MAGI2: variants seen among roughly 807,000 people sequenced by gnomAD.
MAGI2 encodes membrane-associated guanylate kinase, WW and PDZ domain-containing protein 2.
Under a neutral mutation model 133.3 loss-of-function variants are expected in MAGI2, and 35 were observed. That is an observed-to-expected ratio of 0.26 (90% CI 0.20 to 0.35). The LOEUF (loss-of-function observed/expected upper bound fraction) is 0.35. Among genes scored for constraint, MAGI2 ranks in the 10% least tolerant of loss-of-function variants. The probability of loss-of-function intolerance (pLI) is 1.00; values close to 1 mark genes in which losing one functional copy is unlikely to be tolerated. For synonymous variants in MAGI2, 729 were observed against 710.6 expected (o/e 1.03, Z -0.41); for missense variants, 1,636 against 1,863.4 (o/e 0.88, Z 2.25).
intron 1 of MAGI2, chr7:79,177,116 G>C (rs1172782249): frequency 1.3e-5 from 2 of 151,926 alleles, no homozygotes; most frequent in Non-Finnish European, 2.9e-5. Flanking sequence ...CACTTTCTCA[G>C]TTATGGTAAT....
intron 1 of MAGI2, among the ~76,000 whole-genome samples, chr7:79,073,006 G>A (rs757603366): frequency 6.6e-6 from 1 of 152,048 alleles, no homozygotes; most frequent in Non-Finnish European, 1.5e-5. Context: ...TTTCTTTTCT[G>A]TAGGAGAGTC....
intron 1 of MAGI2, among the ~76,000 whole-genome samples, chr7:79,372,925 A>G (rs753133323): frequency 1.2e-4 from 18 of 151,524 alleles, no homozygotes; most frequent in Non-Finnish European, 2.4e-4. Flanking sequence ...AGAAATGCTT[A>G]AAAAATCAAA....
chr7:78,125,821 G>A lies in MAGI2; in HGVS notation c.3440C>T (p.Thr1147Ile). Residue 1147 changes from threonine (T) to isoleucine (I), a missense_variant, in exon 20 of 22, where the codon ACT becomes ATT. This residue lies in a region of MAGI2 where 920 missense variants were observed against 1,093.5 expected (regional missense o/e 0.84). Transcript: ENST00000354212. ...YRQPQDFDYF[T>I]VDMEKGAKGF... ...TTTGGCTCCTTTCTCCATGTCCACA[G>A]TGAAATAATCAAAATCCTTTGGGGT... 1.9e-6 allele frequency: 3 copies of A among 1,614,082 alleles called. No individual in the cohort carries two copies. Among genetic ancestry groups the A allele is most frequent in the Non-Finnish European group, 2.5e-6 (3 of 1,179,996 alleles).
At chr7:78,101,461 C>T (rs1818203059) in intron 20 of MAGI2, among the ~76,000 whole-genome samples, 1 of 152,158 alleles carries the variant, frequency 6.6e-6, no homozygotes, top group South Asian at 2.1e-4. Flanking sequence ...AAAGGATTGT[C>T]TCTTCAATAA....
At chr7:78,836,296 G>A (rs1281632205) in intron 2 of MAGI2, among the ~76,000 whole-genome samples, 1 of 152,150 alleles carries the variant, frequency 6.6e-6, no homozygotes, top group East Asian at 1.9e-4. Context: ...AGTTGGACTT[G>A]AACTGGGTTT....
chr7:78,534,473 ATG>A (rs1311503953), intron 3 of MAGI2, among the ~76,000 whole-genome samples: 1 of 152,164 alleles, frequency 6.6e-6, no homozygotes, highest in Non-Finnish European at 1.5e-5. Flanking sequence ...TTGTATATAT[ATG>A]TGTGTGTGCG....
chr7:79,333,309 G>A (rs1445208152), intron 1 of MAGI2, among the ~76,000 whole-genome samples: 3 of 151,940 alleles, frequency 2.0e-5, no homozygotes, highest in Non-Finnish European at 4.4e-5. Flanking sequence ...TGTATTTTTA[G>A]TACAGACAGG....
At chr7:78,751,373 A>G (rs11487098) in intron 2 of MAGI2, among the ~76,000 whole-genome samples, 4,723 of 152,278 alleles carry the variant, frequency 0.031, 236 homozygotes, top group African/African-American at 0.11. Context: ...ATGGACAAAC[A>G]CGTTCTTGTA....
chr7:79,446,447 T>C (rs1486412485), intron 1 of MAGI2, among the ~76,000 whole-genome samples: 1 of 152,118 alleles, frequency 6.6e-6, no homozygotes, highest in Non-Finnish European at 1.5e-5. Flanking sequence ...GTATTTAGGC[T>C]CAAACTGCCA....
intron 6 of MAGI2, among the ~76,000 whole-genome samples, chr7:78,406,898 T>G (rs912607502): frequency 3.9e-5 from 6 of 152,084 alleles, no homozygotes; most frequent in African/African-American, 1.4e-4. Flanking sequence ...GTAATATTCA[T>G]TGTCACTGTA....
At chr7:78,653,315 A>G (rs989765719) in intron 2 of MAGI2, among the ~76,000 whole-genome samples, 1 of 152,198 alleles carries the variant, frequency 6.6e-6, no homozygotes, top group Non-Finnish European at 1.5e-5. Context: ...AAATCATTCT[A>G]CTATAAAGAT....
chr7:79,419,874 G>A (rs1846818061), intron 1 of MAGI2, among the ~76,000 whole-genome samples: 1 of 150,924 alleles, frequency 6.6e-6, no homozygotes, highest in African/African-American at 2.4e-5. Context: ...ATAATTCCTA[G>A]TACTCTTTGG....
intron 2 of MAGI2, among the ~76,000 whole-genome samples, chr7:78,791,020 C>T (rs1827202222): frequency 6.6e-6 from 1 of 152,106 alleles, no homozygotes; most frequent in Non-Finnish European, 1.5e-5. Context: ...ATGAAATAAA[C>T]TCAGAAAAAC....
chr7:78,059,775 A>ATTTTTTTT (rs141199304), intron 21 of MAGI2, among the ~76,000 whole-genome samples: 2 of 89,352 alleles, frequency 2.2e-5, no homozygotes, highest in African/African-American at 8.5e-5. Flanking sequence ...ATATATATAT[A>ATTTTTTTT]TATTTTTTTT....
chr7:79,155,849 C>T (rs1823726234), intron 1 of MAGI2, among the ~76,000 whole-genome samples: 2 of 152,124 alleles, frequency 1.3e-5, no homozygotes, highest in South Asian at 4.1e-4. Flanking sequence ...ACTGGGTCTT[C>T]ATCCGACTAC....
intron 1 of MAGI2, among the ~76,000 whole-genome samples, chr7:79,366,690 CTG>C (rs1343836004): frequency 1.3e-5 from 2 of 152,214 alleles, no homozygotes; most frequent in Admixed American, 6.5e-5. Context: ...CAAGGGGTCT[CTG>C]TATTATTTCT....
At chr7:78,122,066 C>T (rs1584011321) in intron 20 of MAGI2, among the ~76,000 whole-genome samples, 2 of 152,016 alleles carry the variant, frequency 1.3e-5, no homozygotes, top group Admixed American at 6.6e-5. Context: ...TTGAGAGATA[C>T]ACACATCTGT....
chr7:78,101,100 A>G (rs369293308), intron 20 of MAGI2, among the ~76,000 whole-genome samples: 43 of 152,360 alleles, frequency 2.8e-4, no homozygotes, highest in African/African-American at 1.0e-3. Flanking sequence ...GATTGGAAGA[A>G]CAAATATTGT....
intron 1 of MAGI2, among the ~76,000 whole-genome samples, chr7:79,059,888 GTCTA>G (rs1317960742): frequency 6.6e-6 from 1 of 152,052 alleles, no homozygotes; most frequent in Non-Finnish European, 1.5e-5. Flanking sequence ...AAATTAATAT[GTCTA>G]CCTGTGCTCA....
Sources: allele counts gnomAD v4.1 joint callset (sites outside exome capture counted in the v4.1 genomes callset), GRCh38; gene constraint gnomAD v4.1.1; regional missense constraint gnomAD v4.1.1; transcripts MANE v1.5; gene names NCBI Gene and HGNC (gene_info 2026-07-23, HGNC 2026-07-21).